The following FAM178B variants were observed in gnomAD, a reference collection of about 807,000 sequenced individuals.
FAM178B encodes the protein protein FAM178B.
A neutral mutation model predicts 91.7 loss-of-function variants in FAM178B; 82 were observed. The observed-to-expected ratio is 0.89, with a 90% CI of 0.75 to 1.07. The LOEUF is 1.07. FAM178B is among the 50% of genes least tolerant of loss of function. The pLI, the probability that FAM178B is intolerant of heterozygous loss-of-function variation, is 0.00. For missense variants in FAM178B, 769 were observed against 846.7 expected, an observed-to-expected ratio of 0.91 and a Z score of 1.14; for synonymous variants, 368 against 359.4, an observed-to-expected ratio of 1.02 and a Z score of -0.27.
chr2:96,923,514 G>A lies in FAM178B; in HGVS notation c.1263C>T (p.Asp421=). The change falls in exon 10 of 17, where the codon GAC becomes GAT. Residue 421 remains aspartate, a synonymous_variant. Transcript: ENST00000490605. ...EQDAPQEIAL[D]ISLGHIYKFL... ...CCTTGTAGATGTGGCCCAGGCTGATGTCCAAGGCAATCTCTTGGGGAGCGT... is the reference window on the plus strand; with the variant it reads ...CCTTGTAGATGTGGCCCAGGCTGATATCCAAGGCAATCTCTTGGGGAGCGT... The A allele has an allele frequency of 6.4e-7, 1 of 1,551,658 alleles. No individual in the cohort carries two copies. The highest frequency in any genetic ancestry group is 8.7e-7 in the Non-Finnish European group (1 of 1,146,926).
chr2:96,902,547 C>T (rs1429751045), intron 13 of FAM178B, 73 bp downstream of exon 13: 3 of 1,039,000 alleles, frequency 2.9e-6, no homozygotes, highest in Middle Eastern at 2.0e-4. Context: ...GCCTGATGTT[C>T]CTGGCCTTTG....
At chr2:96,904,227 C>G (rs1274045368) in intron 12 of FAM178B, among the ~76,000 whole-genome samples, 1 of 152,206 alleles carries the variant, frequency 6.6e-6, no homozygotes, top group Non-Finnish European at 1.5e-5. Flanking sequence ...AGTGGACAGA[C>G]AGATCAGGCT....
At chr2:96,892,749 G>A (rs1015697811) in intron 14 of FAM178B, among the ~76,000 whole-genome samples, 1 of 152,048 alleles carries the variant, frequency 6.6e-6, no homozygotes, top group African/African-American at 2.4e-5. Flanking sequence ...CTCACCACTC[G>A]CCTTCTTGTT....
chr2:96,947,970 C>T, intron 7 of FAM178B, 68 bp from the exon 8 acceptor site: 1 of 778,980 alleles, frequency 1.3e-6, no homozygotes, highest in South Asian at 1.5e-5. Context: ...GCAATAGTAG[C>T]AAACTTCTAT....
chr2:96,972,644 GA>G, intron 1 of FAM178B, 38 bp from the exon 2 acceptor site: 1 of 1,536,824 alleles, frequency 6.5e-7, no homozygotes, highest in Non-Finnish European at 8.8e-7. Context: ...TGAACCTCCA[GA>G]AGAAAGCTAA....
chr2:96,900,225 C>T lies in FAM178B; in HGVS notation c.1650+2395G>A, dbSNP rs551440453. Among the ~76,000 whole-genome samples, 9 of 152,280 alleles carry T rather than the reference C, an allele frequency of 5.9e-5. No homozygotes were observed. The East Asian group carries it at 1.7e-3, about 29-fold the overall frequency. ...GCACCCCATCTTGTGCTCCCCCCTG[C>T]CTCTAACTGCTGGCTGTTCCCAGCA... On this transcript the variant is annotated intron_variant, in intron 13 of 16. Coordinates refer to ENST00000490605, the MANE Select transcript of FAM178B (RefSeq NM_001122646.3).
chr2:96,901,526 G>A (rs1042730458), intron 13 of FAM178B, among the ~76,000 whole-genome samples: 1 of 152,098 alleles, frequency 6.6e-6, no homozygotes, highest in African/African-American at 2.4e-5. Context: ...CTAACCCTGG[G>A]GACTGAGGGG....
chr2:96,882,161 G>A (rs1357611336), intron 14 of FAM178B, among the ~76,000 whole-genome samples: 1 of 152,218 alleles, frequency 6.6e-6, no homozygotes, highest in East Asian at 1.9e-4. Context: ...GTCTGATCCT[G>A]TCCAGACAAC....
intron 14 of FAM178B, among the ~76,000 whole-genome samples, chr2:96,893,295 G>A (rs1336808221): frequency 3.3e-5 from 5 of 152,076 alleles, no homozygotes. Context: ...CCACATCCCT[G>A]CTCTGACATT....
intron 4 of FAM178B, among the ~76,000 whole-genome samples, chr2:96,969,782 A>G (rs1401770504): frequency 1.3e-5 from 2 of 152,228 alleles, no homozygotes; most frequent in Admixed American, 6.5e-5. Flanking sequence ...GAGGGGCTGC[A>G]CAGCAGAGGC....
Position 96,885,733 on chromosome 2 carries a change from G to A in FAM178B, c.1777-7240C>T, listed in dbSNP as rs80085403. On this transcript the variant is annotated intron_variant, in intron 14 of 16. Coordinates refer to ENST00000490605, the MANE Select transcript of FAM178B (RefSeq NM_001122646.3). ...GTGGGGGTCAGGGAGATGACAGGCA[G>A]GGATTGGCGGGGTCTTCCTGCTGCT... Among the ~76,000 whole-genome samples, 319 of 152,300 alleles carry A rather than the reference G, an allele frequency of 2.1e-3. 14 individuals carry two copies. In the East Asian group the frequency reaches 0.039, roughly 18 times the overall value.
intron 4 of FAM178B, among the ~76,000 whole-genome samples, chr2:96,969,641 A>T (rs1032830940): frequency 3.3e-5 from 5 of 152,210 alleles, no homozygotes; most frequent in Admixed American, 6.5e-5. Flanking sequence ...GCGTCTACTA[A>T]ATGTACATCA....
chr2:96,905,834 A>ATATGTATGTATATATATATATATACG (rs1553498350), intron 12 of FAM178B, among the ~76,000 whole-genome samples: 1 of 23,026 alleles, frequency 4.3e-5, no homozygotes, highest in African/African-American at 1.5e-4. Flanking sequence ...ATATATATAT[A>ATATGTATGTATATATATATATATACG]TATATATATA....
intron 13 of FAM178B, among the ~76,000 whole-genome samples, chr2:96,899,454 G>C (rs2080885009): frequency 1.3e-5 from 2 of 152,160 alleles, no homozygotes; most frequent in Non-Finnish European, 2.9e-5. Context: ...CAGCAAGTGG[G>C]CTGGACCTGG....
At chr2:96,948,746 C>A (rs1327767591) in intron 7 of FAM178B, among the ~76,000 whole-genome samples, 2 of 152,210 alleles carry the variant, frequency 1.3e-5, no homozygotes, top group Non-Finnish European at 2.9e-5. Flanking sequence ...GAGCCCAGGA[C>A]CCTCTCTGAG....
intron 8 of FAM178B, among the ~76,000 whole-genome samples, chr2:96,930,034 G>A (rs185410386): frequency 3.4e-4 from 51 of 152,070 alleles, no homozygotes; most frequent in African/African-American, 1.2e-3. Context: ...TGGGCAACAC[G>A]GTGAAACCTC....
intron 5 of FAM178B, among the ~76,000 whole-genome samples, chr2:96,963,900 G>C (rs920634917): frequency 6.6e-6 from 1 of 152,222 alleles, no homozygotes; most frequent in Non-Finnish European, 1.5e-5. Context: ...GGCTGGGCAC[G>C]GTGGCTCACG....
intron 10 of FAM178B, among the ~76,000 whole-genome samples, chr2:96,921,981 C>G (rs911976546): frequency 6.6e-6 from 1 of 152,126 alleles, no homozygotes; most frequent in Non-Finnish European, 1.5e-5. Flanking sequence ...TGGCACGATA[C>G]AGCTCACAAA....
chr2:96,937,688 G>A (rs1368964737), intron 8 of FAM178B, among the ~76,000 whole-genome samples: 1 of 152,196 alleles, frequency 6.6e-6, no homozygotes, highest in African/African-American at 2.4e-5. Context: ...TCAGTACTGG[G>A]GGAGCTGCAG....
Sources: allele counts gnomAD v4.1 joint callset (sites outside exome capture counted in the v4.1 genomes callset), GRCh38; gene constraint gnomAD v4.1.1; transcripts MANE v1.5; gene names NCBI Gene and HGNC (gene_info 2026-07-23, HGNC 2026-07-21).